The following NYAP2 variants were observed in gnomAD, a reference collection of about 807,000 sequenced individuals.
NYAP2 encodes neuronal tyrosine-phosphorylated phosphoinositide-3-kinase adapter 2.
In NYAP2, 23 loss-of-function variants were observed where a neutral mutation model predicts 50.4. The ratio of observed to expected loss-of-function variants is 0.46; its 90% confidence interval spans 0.33 to 0.65. The LOEUF (loss-of-function observed/expected upper bound fraction) is 0.65. Among genes scored for constraint, NYAP2 ranks in the 30% least tolerant of loss-of-function variants. The pLI is 0.02. For missense variants in NYAP2, 885 were observed against 861.0 expected, an observed-to-expected ratio of 1.03 and a Z score of -0.35; for synonymous variants, 394 against 365.2, an observed-to-expected ratio of 1.08 and a Z score of -0.90.
chr2:225,517,239 T>C (rs535780521), intron 4 of NYAP2, among the ~76,000 whole-genome samples: 1 of 152,168 alleles, frequency 6.6e-6, no homozygotes, highest in Non-Finnish European at 1.5e-5. Context: ...CTATAAATAT[T>C]TTAATTACCC....
chr2:225,622,535 TTCTTTCTTTCTTTCTTTCTTTCTTTTTC>T (rs1445480781), intron 5 of NYAP2, among the ~76,000 whole-genome samples: 18 of 49,514 alleles, frequency 3.6e-4, no homozygotes, highest in African/African-American at 1.3e-3. Context: ...CTTTCTTTCT[TTCTTTCTTTCTTTCTTTCTTTCTTTTTC>T]TTTCTTTCTT....
intron 5 of NYAP2, among the ~76,000 whole-genome samples, chr2:225,589,142 A>G (rs2106234314): frequency 6.6e-6 from 1 of 152,086 alleles, no homozygotes; most frequent in East Asian, 1.9e-4. Flanking sequence ...AACTTGTCTG[A>G]GAAGCAGCCT....
intron 5 of NYAP2, among the ~76,000 whole-genome samples, chr2:225,613,365 T>C (rs954746735): frequency 1.3e-5 from 2 of 152,136 alleles, no homozygotes; most frequent in Admixed American, 6.5e-5. Context: ...CCACTTGCTT[T>C]ATTCCACCTC....
chr2:225,686,339 T>G, the NYAP2 span, among the ~76,000 whole-genome samples: 1 of 152,180 alleles, frequency 6.6e-6, no homozygotes, highest in African/African-American at 2.4e-5. Flanking sequence ...GTTTGTAAAA[T>G]GATGGTTTCA....
chr2:225,473,378 C>A (rs573657105), intron 3 of NYAP2, among the ~76,000 whole-genome samples: 2 of 152,298 alleles, frequency 1.3e-5, no homozygotes, highest in South Asian at 2.1e-4. Flanking sequence ...CCTCAGGAAT[C>A]GCCACACTGT....
intron 6 of NYAP2, among the ~76,000 whole-genome samples, chr2:225,628,403 C>A (rs1329263239): frequency 1.4e-5 from 2 of 146,330 alleles, no homozygotes; most frequent in African/African-American, 5.0e-5. Flanking sequence ...CTCACTGCAA[C>A]CTCCGACTCC....
chr2:225,654,925 T>C (rs1693799587), downstream of NYAP2, among the ~76,000 whole-genome samples: 1 of 152,196 alleles, frequency 6.6e-6, no homozygotes, highest in Non-Finnish European at 1.5e-5. Flanking sequence ...TTTCGTGTCA[T>C]GGTTGGAGCT....
intron 2 of NYAP2, among the ~76,000 whole-genome samples, chr2:225,402,405 G>C (rs142754964): frequency 1.3e-5 from 2 of 152,006 alleles, no homozygotes; most frequent in African/African-American, 4.8e-5. Flanking sequence ...TGCAAATAAT[G>C]CCTTGTAAGC....
At chr2:225,586,199 A>G (rs1692387099) in intron 5 of NYAP2, among the ~76,000 whole-genome samples, 1 of 152,210 alleles carries the variant, frequency 6.6e-6, no homozygotes, top group African/African-American at 2.4e-5. Context: ...AATAATCTGT[A>G]AAATGCACAC....
the NYAP2 span, among the ~76,000 whole-genome samples, chr2:225,686,108 TTGGA>T: frequency 6.6e-6 from 1 of 152,126 alleles, no homozygotes. Flanking sequence ...TGGTGTGCTG[TTGGA>T]TGGGTAGGTT....
chr2:225,445,226 A>C (rs1028456801), intron 3 of NYAP2, among the ~76,000 whole-genome samples: 1 of 152,146 alleles, frequency 6.6e-6, no homozygotes, highest in African/African-American at 2.4e-5. Context: ...ACGTTCACCT[A>C]AAGTATGTAA....
At chr2:225,612,192 A>G (rs1489729262) in intron 5 of NYAP2, among the ~76,000 whole-genome samples, 1 of 150,208 alleles carries the variant, frequency 6.7e-6, no homozygotes, top group Non-Finnish European at 1.5e-5. Context: ...TGAGTTGTGT[A>G]TAAGATGTAC....
intron 3 of NYAP2, among the ~76,000 whole-genome samples, chr2:225,467,104 G>A (rs1256632214): frequency 6.6e-6 from 1 of 152,062 alleles, no homozygotes; most frequent in Non-Finnish European, 1.5e-5. Flanking sequence ...GTCTGCCTGC[G>A]CAGTGGCCTG....
At chr2:225,678,300 T>C in the NYAP2 span, among the ~76,000 whole-genome samples, 1 of 152,162 alleles carries the variant, frequency 6.6e-6, no homozygotes, top group African/African-American at 2.4e-5. Flanking sequence ...TTGAATCTTC[T>C]CTTTTTATCC....
At chr2:225,425,664 C>G (rs1443952528) in intron 3 of NYAP2, among the ~76,000 whole-genome samples, 1 of 152,088 alleles carries the variant, frequency 6.6e-6, no homozygotes. Flanking sequence ...ACTTCTTTTT[C>G]CCTGTGGTAG....
At chr2:225,516,323 A>T (rs1234042323) in intron 4 of NYAP2, among the ~76,000 whole-genome samples, 4 of 152,214 alleles carry the variant, frequency 2.6e-5, no homozygotes, top group Non-Finnish European at 5.9e-5. Context: ...AAGACAAAGT[A>T]GCAAATGTGG....
chr2:225,502,782 C>T (rs773157601), intron 3 of NYAP2, among the ~76,000 whole-genome samples: 2 of 152,184 alleles, frequency 1.3e-5, no homozygotes, highest in Non-Finnish European at 2.9e-5. Flanking sequence ...TCCATTGCAC[C>T]TGCCTTATAC....
intron 5 of NYAP2, among the ~76,000 whole-genome samples, chr2:225,597,515 A>ATATATATATATATATATG (rs1164994323): frequency 1.0e-5 from 1 of 99,366 alleles, no homozygotes; most frequent in African/African-American, 3.2e-5. Context: ...AAGGAGAAAT[A>ATATATATATATATATATG]TATATATATA....
intron 3 of NYAP2, among the ~76,000 whole-genome samples, chr2:225,429,005 G>A (rs531402918): frequency 1.3e-5 from 2 of 152,108 alleles, no homozygotes; most frequent in South Asian, 2.1e-4. Flanking sequence ...ATTTCCATGA[G>A]GCAGGTTCTA....
Sources: gnomAD v4.1 joint callset for allele counts (sites outside exome capture counted in the v4.1 genomes callset) on GRCh38, gnomAD v4.1.1 for gene constraint, MANE v1.5 for transcripts, NCBI Gene and HGNC (gene_info 2026-07-23, HGNC 2026-07-21) for gene names.